Variants in ZEB2 observed in about 807,000 individuals in gnomAD.
The protein encoded by ZEB2 is zinc finger E-box-binding homeobox 2.
A neutral mutation model predicts 99.9 loss-of-function variants in ZEB2; 6 were observed. The observed-to-expected ratio is 0.06, with a 90% CI of 0.03 to 0.12. The LOEUF (loss-of-function observed/expected upper bound fraction) is 0.12, where lower values mean the gene tolerates loss of function less well. ZEB2 is among the 10% of genes least tolerant of loss of function. ZEB2 has a pLI of 1.00. For missense variants in ZEB2, 969 were observed against 1,502.8 expected (o/e 0.64, Z 5.87); for synonymous variants, 517 against 542.5 (o/e 0.95, Z 0.65).
At chr2:144,504,821 T>C (rs1253725449) in intron 2 of ZEB2, among the ~76,000 whole-genome samples, 1 of 152,180 alleles carries the variant, frequency 6.6e-6, no homozygotes, top group Non-Finnish European at 1.5e-5. Context: ...TGTAGCAGCC[T>C]AATTTGTGAG....
At chr2:144,486,296 T>A (rs1260085892) in intron 2 of ZEB2, among the ~76,000 whole-genome samples, 1 of 152,124 alleles carries the variant, frequency 6.6e-6, no homozygotes, top group Non-Finnish European at 1.5e-5. Context: ...ATTTCTACAT[T>A]TTTTTGGTCG....
At chr2:144,490,995 T>G (rs1704670049) in intron 2 of ZEB2, among the ~76,000 whole-genome samples, 2 of 152,212 alleles carry the variant, frequency 1.3e-5, no homozygotes, top group African/African-American at 4.8e-5. Flanking sequence ...GGAGCCGTTA[T>G]GTAGTGCCGT....
chr2:144,459,750 G>A (rs902218088), intron 2 of ZEB2, among the ~76,000 whole-genome samples: 1 of 152,142 alleles, frequency 6.6e-6, no homozygotes, highest in Non-Finnish European at 1.5e-5. Flanking sequence ...GCTAAGGTAC[G>A]AAATAAGGTA....
At chr2:144,426,954 G>C (rs1165675166) in intron 3 of ZEB2, 1 of 152,078 alleles carries the variant, frequency 6.6e-6, no homozygotes, top group African/African-American at 2.4e-5. Flanking sequence ...CACAGTTTAG[G>C]AATATTGCCT....
At chr2:144,465,059 C>G (rs1704253174) in intron 2 of ZEB2, among the ~76,000 whole-genome samples, 1 of 152,154 alleles carries the variant, frequency 6.6e-6, no homozygotes, top group African/African-American at 2.4e-5. Flanking sequence ...TTTCCGCCAG[C>G]TAATTTGGCT....
At chr2:144,517,576 C>G (rs2149935412) in intron 1 of ZEB2, 157 bp from the exon 2 acceptor site, 2 of 579,084 alleles carry the variant, frequency 3.5e-6, no homozygotes, top group Non-Finnish European at 6.4e-6. Context: ...GCCCCCCACC[C>G]CCAGCCTTGG....
chr2:144,513,159 T>TCTGAAA (rs1258752599), intron 2 of ZEB2: 2 of 1,286,108 alleles, frequency 1.6e-6, no homozygotes, highest in Non-Finnish European at 2.0e-6. Flanking sequence ...TTTAAGCATC[T>TCTGAAA]CTGAAACGGG....
At chr2:144,480,181 AT>A (rs1704490215) in intron 2 of ZEB2, among the ~76,000 whole-genome samples, 1 of 152,142 alleles carries the variant, frequency 6.6e-6, no homozygotes, top group Non-Finnish European at 1.5e-5. Flanking sequence ...GAGTGATATT[AT>A]GGCTCCCCAT....
chr2:144,408,569 T>A (rs1475661187), intron 4 of ZEB2, among the ~76,000 whole-genome samples: 1 of 152,238 alleles, frequency 6.6e-6, no homozygotes. Context: ...GTCACTTAAG[T>A]GGGCTAGAGT....
chr2:144,408,359 T>A (rs1203934821), intron 4 of ZEB2, among the ~76,000 whole-genome samples: 1 of 152,200 alleles, frequency 6.6e-6, no homozygotes, highest in Non-Finnish European at 1.5e-5. Context: ...GACCTAATAC[T>A]CAGGCAACTG....
chr2:144,472,802 C>T (rs182617692), intron 2 of ZEB2, among the ~76,000 whole-genome samples: 19 of 150,872 alleles, frequency 1.3e-4, no homozygotes, highest in Middle Eastern at 3.4e-3. Context: ...AGTGTGAGAA[C>T]GATAAAAAAA....
intron 2 of ZEB2, among the ~76,000 whole-genome samples, chr2:144,473,660 T>G (rs1704389972): frequency 6.6e-6 from 1 of 151,994 alleles, no homozygotes; most frequent in East Asian, 1.9e-4. Flanking sequence ...GATGTGCACA[T>G]GAGGAATGCC....
At chr2:144,428,455 C>G (rs1703717935) in intron 3 of ZEB2, 1 of 152,162 alleles carries the variant, frequency 6.6e-6, no homozygotes, top group South Asian at 2.1e-4. Context: ...GCATCTTTGG[C>G]TGAGTTCTCC....
chr2:144,412,831 C>T (rs1703483688), intron 4 of ZEB2, among the ~76,000 whole-genome samples: 1 of 152,146 alleles, frequency 6.6e-6, no homozygotes, highest in Admixed American at 6.6e-5. Context: ...GATCACATCC[C>T]ATCGTAATCT....
At chr2:144,516,216 T>TCCCCCCCCCCCCCCCC (rs1401095568) in intron 2 of ZEB2, 7 of 103,856 alleles carry the variant, frequency 6.7e-5, no homozygotes, top group African/African-American at 1.6e-4. Context: ...CTCCGTCAGC[T>TCCCCCCCCCCCCCCCC]CCCCCACCCC....
At chr2:144,462,790 G>A (rs1022379558) in intron 2 of ZEB2, 6 of 152,148 alleles carry the variant, frequency 3.9e-5, no homozygotes, top group African/African-American at 1.4e-4. Context: ...AAGCAGTGCA[G>A]TTGTGAACAG....
At chr2:144,474,741 C>T (rs1198292208) in intron 2 of ZEB2, among the ~76,000 whole-genome samples, 1 of 152,166 alleles carries the variant, frequency 6.6e-6, no homozygotes, top group Non-Finnish European at 1.5e-5. Flanking sequence ...CCATCCATAA[C>T]CATGACCATT....
chr2:144,390,863 A>G (rs1186868777), intron 9 of ZEB2, among the ~76,000 whole-genome samples: 2 of 152,210 alleles, frequency 1.3e-5, no homozygotes, highest in Non-Finnish European at 2.9e-5. Context: ...CACAAATAGC[A>G]CTGGAATGCC....
At chr2:144,400,870 T>G (rs2149877825) in intron 7 of ZEB2, among the ~76,000 whole-genome samples, 1 of 152,312 alleles carries the variant, frequency 6.6e-6, no homozygotes, top group Middle Eastern at 3.4e-3. Flanking sequence ...ATTAATATCT[T>G]TCAGAATTTG....
Sources: allele counts gnomAD v4.1 joint callset (sites outside exome capture counted in the v4.1 genomes callset), GRCh38; gene constraint gnomAD v4.1.1; transcripts MANE v1.5; gene names NCBI Gene and HGNC (gene_info 2026-07-23, HGNC 2026-07-21).